PTPRD: variants seen among roughly 807,000 people sequenced by gnomAD.
The protein encoded by PTPRD is protein tyrosine phosphatase receptor type D.
Under a neutral mutation model 214.5 loss-of-function variants are expected in PTPRD, and 34 were observed. The ratio of observed to expected loss-of-function variants is 0.16; its 90% CI spans 0.12 to 0.21. The LOEUF (loss-of-function observed/expected upper bound fraction) is 0.21. Ranked by LOEUF, PTPRD falls within the 10% of genes least tolerant of loss-of-function variation. PTPRD has a pLI of 1.00. For missense variants in PTPRD, 2,545 were observed against 2,398.7 expected (o/e 1.06, Z -1.27); for synonymous variants, 1,128 against 845.7 (o/e 1.33, Z -5.79).
chr9:9,040,549 CCT>C (rs1181224962), intron 10 of PTPRD, among the ~76,000 whole-genome samples: 1 of 150,926 alleles, frequency 6.6e-6, no homozygotes, highest in Non-Finnish European at 1.5e-5. Context: ...GCCACCACAG[CCT>C]GTGTTCATAA....
intron 3 of PTPRD, among the ~76,000 whole-genome samples, chr9:10,073,983 T>G (rs2098084832): frequency 6.6e-6 from 1 of 152,132 alleles, no homozygotes; most frequent in Non-Finnish European, 1.5e-5. Context: ...TCAAGTATTC[T>G]TGATAAGAGG....
At chr9:9,900,933 G>C (rs984327114) in intron 5 of PTPRD, among the ~76,000 whole-genome samples, 4 of 151,946 alleles carry the variant, frequency 2.6e-5, no homozygotes, top group Non-Finnish European at 5.9e-5. Context: ...CCACTCCTTG[G>C]TGCCAATTTT....
At chr9:10,076,478 C>G (rs16931010) in intron 3 of PTPRD, among the ~76,000 whole-genome samples, 7,469 of 152,146 alleles carry the variant, frequency 0.049, 262 homozygotes, top group African/African-American at 0.087. Context: ...ACTGGGAGGA[C>G]CCTGAATGGA....
chr9:8,858,767 G>A (rs2098017432), intron 11 of PTPRD, among the ~76,000 whole-genome samples: 2 of 151,070 alleles, frequency 1.3e-5, no homozygotes, highest in East Asian at 2.0e-4. Context: ...ATAAAGGAGG[G>A]GCAGGCAGGA....
At chr9:10,453,546 T>C (rs1588512670) in intron 2 of PTPRD, among the ~76,000 whole-genome samples, 1 of 151,708 alleles carries the variant, frequency 6.6e-6, no homozygotes, top group African/African-American at 2.4e-5. Flanking sequence ...CCTAAGTATT[T>C]TATTTTTATA....
chr9:8,513,289 A>G (rs2097717800), intron 21 of PTPRD, among the ~76,000 whole-genome samples: 1 of 152,084 alleles, frequency 6.6e-6, no homozygotes, highest in South Asian at 2.1e-4. Flanking sequence ...CAGACAGATC[A>G]TATTCTCATT....
intron 2 of PTPRD, among the ~76,000 whole-genome samples, chr9:10,539,763 G>A (rs1386795028): frequency 1.3e-5 from 2 of 152,078 alleles, no homozygotes; most frequent in Non-Finnish European, 1.5e-5. Flanking sequence ...TTTCAGATCC[G>A]CTTTGGAGGC....
At chr9:10,512,957 G>A (rs560083566) in intron 2 of PTPRD, among the ~76,000 whole-genome samples, 73 of 152,078 alleles carry the variant, frequency 4.8e-4, no homozygotes, top group African/African-American at 1.6e-3. Flanking sequence ...ATGAGATCTA[G>A]GATAGATATT....
In PTPRD at chr9:9,958,255, T is replaced by C. The variant is rs1450002224; in HGVS notation, c.-471-19645A>G. Among the ~76,000 whole-genome samples, 5 of 152,088 alleles carry C rather than the reference T, an allele frequency of 3.3e-5. No homozygotes were observed. In the East Asian group the frequency reaches 9.7e-4, roughly 29 times the overall value. ...ATTAAAAACTTATGCTGTGGCTGGG[T>C]GCAGTGGCTCACGCCTGTAATCCCA... On this transcript the variant is annotated intron_variant, in intron 4 of 45. Coordinates refer to ENST00000381196, the MANE Select transcript of PTPRD (RefSeq NM_002839.4).
intron 8 of PTPRD, among the ~76,000 whole-genome samples, chr9:9,533,541 T>C (rs2075927949): frequency 3.3e-5 from 5 of 152,230 alleles, no homozygotes; most frequent in Non-Finnish European, 7.4e-5. Flanking sequence ...TTTTTCTATT[T>C]TTCAAATGCA....
In PTPRD at chr9:8,470,937, C is replaced by T. The variant is rs557861197; in HGVS notation, c.3504+58G>A. 1,849 of 1,474,548 alleles carry T rather than the reference C, an allele frequency of 1.3e-3. 21 individuals are homozygous for T. The African/African-American group carries it at 0.023, about 18-fold the overall frequency. The allele number at this position is 1,474,548 out of a possible 1,614,324, so 91.3% of individuals were successfully genotyped here. A position where few individuals can be genotyped will look rare whatever the true frequency, so the allele number is the denominator to read the frequency against. On this transcript the variant is annotated intron_variant, in intron 31 of 45. Coordinates refer to ENST00000381196, the MANE Select transcript of PTPRD (RefSeq NM_002839.4). ...CTGAAAGGCCTCCAAGGGAGGGGGG[C>T]GGAAATGCAGCAGATTAAATAACGA...
At chr9:10,025,705 A>T (rs1014586569) in intron 4 of PTPRD, among the ~76,000 whole-genome samples, 5 of 152,188 alleles carry the variant, frequency 3.3e-5, no homozygotes, top group Admixed American at 1.3e-4. Context: ...AGAAAATAAG[A>T]AATTGGATGA....
At chr9:8,877,284 T>C (rs1164971521) in intron 11 of PTPRD, among the ~76,000 whole-genome samples, 1 of 152,212 alleles carries the variant, frequency 6.6e-6, no homozygotes, top group Admixed American at 6.5e-5. Context: ...TAATCTGGGC[T>C]TTATTCCAAA....
chr9:8,536,931 T>C (rs1406917797), intron 14 of PTPRD, among the ~76,000 whole-genome samples: 3 of 152,022 alleles, frequency 2.0e-5, no homozygotes, highest in Admixed American at 6.6e-5. Context: ...AGTTTTCAAG[T>C]CATTACATTT....
At chr9:10,221,961 C>G (rs1291008178) in intron 3 of PTPRD, among the ~76,000 whole-genome samples, 2 of 151,744 alleles carry the variant, frequency 1.3e-5, no homozygotes, top group East Asian at 3.9e-4. Flanking sequence ...GATAGGCTAA[C>G]AACATTGCTC....
chr9:10,162,968 T>C (rs2099138080), intron 3 of PTPRD, among the ~76,000 whole-genome samples: 2 of 150,802 alleles, frequency 1.3e-5, no homozygotes, highest in Admixed American at 1.3e-4. Flanking sequence ...AAAAGGAATA[T>C]ATAATGGAAA....
chr9:9,405,200 G>T (rs958731027), intron 8 of PTPRD, among the ~76,000 whole-genome samples: 2 of 151,990 alleles, frequency 1.3e-5, no homozygotes, highest in Non-Finnish European at 1.5e-5. Flanking sequence ...TCTCTGCTAT[G>T]CATTTTGGGA....
At chr9:10,554,085 C>T (rs2061941950) in intron 2 of PTPRD, among the ~76,000 whole-genome samples, 1 of 152,110 alleles carries the variant, frequency 6.6e-6, no homozygotes, top group Admixed American at 6.6e-5. Context: ...CTCTTAATCC[C>T]ATGCAAATGT....
At chr9:10,579,304 G>T (rs1295271851) in intron 2 of PTPRD, among the ~76,000 whole-genome samples, 2 of 152,004 alleles carry the variant, frequency 1.3e-5, no homozygotes, top group African/African-American at 2.4e-5. Context: ...AGTGTCTATT[G>T]TTCCCATCTT....
Sources: allele counts gnomAD v4.1 joint callset (sites outside exome capture counted in the v4.1 genomes callset), GRCh38; gene constraint gnomAD v4.1.1; transcripts MANE v1.5; gene names NCBI Gene and HGNC (gene_info 2026-07-23, HGNC 2026-07-21).